The following ZNF652 variants were observed in gnomAD, a reference collection of about 807,000 sequenced individuals.
The protein encoded by ZNF652 is zinc finger protein 652.
A neutral mutation model predicts 45.2 loss-of-function variants in ZNF652; 16 were observed. The observed-to-expected ratio is 0.35, with a 90% CI of 0.24 to 0.54. ZNF652 has a LOEUF of 0.54. Ranked by LOEUF, ZNF652 falls within the 20% of genes least tolerant of loss-of-function variation. ZNF652 has a pLI of 0.91. For missense variants in ZNF652, 614 were observed against 765.6 expected (o/e 0.80, Z 2.34); for synonymous variants, 250 against 260.6 (o/e 0.96, Z 0.39).
In ZNF652 at chr17:49,317,167, C is replaced by T. The variant is rs147911323; in HGVS notation, c.559G>A (p.Val187Ile). 6.1e-5 allele frequency: 99 copies of T among 1,613,752 alleles called. No individual in the cohort carries two copies. In the African/African-American group the frequency reaches 9.6e-4, roughly 16 times the overall value. ...GCTCTCCTGGTTCTCCTTTGTGTAA[C>T]GCTGACTTTCTCTACTATCTTCTCC... ...KKEKIVEKVS[V>I]TQRRTRRAAS... Residue 187 changes from valine (V) to isoleucine (I), a missense_variant, in exon 2 of 6, where the codon GTT becomes ATT. By Grantham distance (29) the Val-to-Ile change is conservative. Transcript: ENST00000430262.
intron 1 of ZNF652, among the ~76,000 whole-genome samples, chr17:49,349,936 A>C (rs1028523428): frequency 6.6e-6 from 1 of 152,216 alleles, no homozygotes; most frequent in Admixed American, 6.5e-5. Context: ...TACATTATAT[A>C]TAGTATATAT....
rs1281413156 is a variant in ZNF652, at chr17:49,293,218, G to A, written c.*5195C>T. Among the ~76,000 whole-genome samples the A allele has an allele frequency of 1.3e-5, 2 of 152,200 alleles. No homozygotes were observed. ...GATTCTATCTAGTGAACAAGAAACAGTTTGTTTTCCAAATATGTATGTCTG... is the reference window on the plus strand; with the variant it reads ...GATTCTATCTAGTGAACAAGAAACAATTTGTTTTCCAAATATGTATGTCTG... On this transcript the variant is annotated 3_prime_UTR_variant, in exon 6 of 6. Transcript: ENST00000430262.
At chr17:49,316,294 T>C (rs1376090807) in intron 2 of ZNF652, among the ~76,000 whole-genome samples, 1 of 152,224 alleles carries the variant, frequency 6.6e-6, no homozygotes, top group Non-Finnish European at 1.5e-5. Flanking sequence ...CATATTCCCA[T>C]GGGCTCAGCC....
chr17:49,325,345 T>C (rs955186860), intron 1 of ZNF652, among the ~76,000 whole-genome samples: 2 of 152,194 alleles, frequency 1.3e-5, no homozygotes, highest in Non-Finnish European at 2.9e-5. Flanking sequence ...TGGAACAGTA[T>C]GAACGCATAT....
At chr17:49,320,141 T>C (rs1199311318) in intron 1 of ZNF652, among the ~76,000 whole-genome samples, 2 of 152,160 alleles carry the variant, frequency 1.3e-5, no homozygotes, top group Admixed American at 6.5e-5. Context: ...CCAATAGTTA[T>C]ATCACAACTT....
intron 2 of ZNF652, among the ~76,000 whole-genome samples, chr17:49,315,796 T>C (rs1461567086): frequency 6.6e-6 from 1 of 152,312 alleles, no homozygotes; most frequent in Middle Eastern, 3.4e-3. Flanking sequence ...CAAGTCACAA[T>C]TGGTGAATCA....
chr17:49,347,735 G>GGT (rs1481178311), intron 1 of ZNF652, among the ~76,000 whole-genome samples: 3 of 124,410 alleles, frequency 2.4e-5, no homozygotes, highest in Non-Finnish European at 4.9e-5. Flanking sequence ...TTGAACCTTG[G>GGT]TTTTGTTTTT....
chr17:49,321,457 GGA>G (rs1213179839), intron 1 of ZNF652, among the ~76,000 whole-genome samples: 1 of 104,616 alleles, frequency 9.6e-6, no homozygotes, highest in African/African-American at 3.8e-5. Flanking sequence ...TGTATTTTTA[GGA>G]GAGGCAGGGT....
chr17:49,349,424 A>T (rs1420716103), intron 1 of ZNF652, among the ~76,000 whole-genome samples: 1 of 152,144 alleles, frequency 6.6e-6, no homozygotes, highest in Non-Finnish European at 1.5e-5. Context: ...ACAACAAAAC[A>T]AATGTAATGC....
intron 1 of ZNF652, among the ~76,000 whole-genome samples, chr17:49,323,681 A>G (rs1231983519): frequency 6.6e-6 from 1 of 152,214 alleles, no homozygotes. Context: ...AATGAATGTT[A>G]AATTATCATG....
At chr17:49,344,395 T>C (rs1312321885) in intron 1 of ZNF652, among the ~76,000 whole-genome samples, 1 of 151,548 alleles carries the variant, frequency 6.6e-6, no homozygotes, top group Non-Finnish European at 1.5e-5. Context: ...TTATTCCCCT[T>C]CACTGATTTA....
At chr17:49,360,127 G>T (rs1050812905) in intron 1 of ZNF652, among the ~76,000 whole-genome samples, 26 of 152,012 alleles carry the variant, frequency 1.7e-4, no homozygotes, top group Admixed American at 1.6e-3. Context: ...CCTTTTTACA[G>T]GAAAACGAGG....
At chr17:49,341,207 G>A (rs1567696336) in intron 1 of ZNF652, among the ~76,000 whole-genome samples, 2 of 151,846 alleles carry the variant, frequency 1.3e-5, no homozygotes. Flanking sequence ...GACAGAGCGA[G>A]ACTGTCTCAA....
chr17:49,308,992 CAAA>C (rs1567917585), intron 5 of ZNF652, among the ~76,000 whole-genome samples: 2 of 151,288 alleles, frequency 1.3e-5, no homozygotes, highest in African/African-American at 4.9e-5. Flanking sequence ...AAAAAAATGA[CAAA>C]GAAGAAGAAA....
chr17:49,316,689 G>T, intron 2 of ZNF652, 137 bp downstream of exon 2: 1 of 954,846 alleles, frequency 1.0e-6, no homozygotes, highest in Non-Finnish European at 1.5e-6. Context: ...GACCAAAGCA[G>T]GAGCTTTTCA....
At chr17:49,349,452 T>C (rs1024350269) in intron 1 of ZNF652, among the ~76,000 whole-genome samples, 2 of 152,104 alleles carry the variant, frequency 1.3e-5, no homozygotes, top group Non-Finnish European at 2.9e-5. Flanking sequence ...TTGGATGCCA[T>C]GGTTTGCCAT....
Position 49,312,687 on chromosome 17 carries a change from G to C in ZNF652, c.1048+11C>G, listed in dbSNP as rs752789434. On this transcript the variant is annotated intron_variant, in intron 3 of 5. Coordinates refer to ENST00000430262, the MANE Select transcript of ZNF652 (RefSeq NM_001145365.3). ...AAATTATAGGTATAAGAGAAAAGCA[G>C]AAAAACTTACCAACCATGTGTTTCC... 9 of 1,611,418 alleles carry C rather than the reference G, an allele frequency of 5.6e-6. No homozygotes were observed. The South Asian group carries it at 9.9e-5, about 18-fold the overall frequency.
Position 49,317,728 on chromosome 17 carries a change from G to GT in ZNF652, c.-4dup. ...CAAGAACTGGCTGTGTGGCTCATTGGTAAGTGGCCCAATTTATTAAACAGT... is the reference window on the plus strand; with the variant it reads ...CAAGAACTGGCTGTGTGGCTCATTGGTTAAGTGGCCCAATTTATTAAACAGT... On this transcript the variant is annotated 5_prime_UTR_variant, in exon 2 of 6. The change creates a premature stop within an existing upstream ORF in the 5' untranslated region. Transcript: ENST00000430262. 5 of 1,570,928 alleles carry GT rather than the reference G, an allele frequency of 3.2e-6. No individual in the cohort carries two copies. In the South Asian group the frequency reaches 5.8e-5, roughly 18 times the overall value.
chr17:49,348,796 T>C (rs1414752365), intron 1 of ZNF652, among the ~76,000 whole-genome samples: 3 of 152,142 alleles, frequency 2.0e-5, no homozygotes, highest in Non-Finnish European at 4.4e-5. Context: ...CCTCCTGCCA[T>C]GGCCTCCCAA....
Sources: allele counts gnomAD v4.1 joint callset (sites outside exome capture counted in the v4.1 genomes callset), GRCh38; gene constraint gnomAD v4.1.1; transcripts MANE v1.5; gene names NCBI Gene and HGNC (gene_info 2026-07-23, HGNC 2026-07-21).